The following CCNH variants were observed in gnomAD, a reference collection of about 807,000 sequenced individuals.
CCNH encodes the protein cyclin-H.
A neutral mutation model predicts 41.9 loss-of-function variants in CCNH; 31 were observed. That is an observed-to-expected ratio of 0.74 (90% confidence interval 0.56 to 1.00). The LOEUF (loss-of-function observed/expected upper bound fraction) is 1.00, where lower values mean the gene tolerates loss of function less well. Ranked by LOEUF, CCNH falls within the 50% of genes least tolerant of loss-of-function variation. The pLI, the probability that CCNH is intolerant of heterozygous loss-of-function variation, is 0.00. For synonymous variants in CCNH, 138 were observed against 136.1 expected, an observed-to-expected ratio of 1.01 and a Z score of -0.10; for missense variants, 362 against 388.4, an observed-to-expected ratio of 0.93 and a Z score of 0.57.
exon 1 of CCNH, chr5:87,376,258 T>C: frequency 1.0e-6 from 1 of 974,956 alleles, no homozygotes; most frequent in Non-Finnish European, 1.6e-6. Flanking sequence ...ATATTGAATT[T>C]GTGATGTTAC....
At chr5:87,320,569 G>T (rs923728979) in intron 9 of CCNH, among the ~76,000 whole-genome samples, 1 of 152,124 alleles carries the variant, frequency 6.6e-6, no homozygotes, top group Non-Finnish European at 1.5e-5. Flanking sequence ...GTGGGGAAGC[G>T]CCACACACTT....
downstream of CCNH, among the ~76,000 whole-genome samples, chr5:87,316,118 A>G (rs982185242): frequency 4.6e-5 from 7 of 152,216 alleles, no homozygotes; most frequent in African/African-American, 1.4e-4. Flanking sequence ...GAATGCTCTG[A>G]GACCAGATCT....
upstream of CCNH, chr5:87,378,557 A>C: frequency 3.1e-6 from 5 of 1,588,022 alleles, no homozygotes; most frequent in Non-Finnish European, 4.3e-6. Flanking sequence ...TTAATGTTTT[A>C]ATAAGTATTT....
downstream of CCNH, among the ~76,000 whole-genome samples, chr5:87,387,344 C>T (rs1014402340): frequency 3.0e-4 from 46 of 152,072 alleles, no homozygotes; most frequent in African/African-American, 8.0e-4. Flanking sequence ...GACGTGGATT[C>T]GGTGTTACAC....
At chr5:87,314,229 T>A (rs1019463343), downstream of CCNH, among the ~76,000 whole-genome samples, 8 of 152,186 alleles carry the variant, frequency 5.3e-5, no homozygotes, top group African/African-American at 1.9e-4. Context: ...TTGGTTTGTT[T>A]AAGAAATGAC....
At chr5:87,398,924 G>C (rs1561346185) in intron 7 of CCNH, among the ~76,000 whole-genome samples, 1 of 151,248 alleles carries the variant, frequency 6.6e-6, no homozygotes, top group South Asian at 2.1e-4. Context: ...AGTGAGCTGA[G>C]ATCGCGCCAC....
At chr5:87,397,102 G>A (rs1178631291) in intron 7 of CCNH, among the ~76,000 whole-genome samples, 1 of 152,046 alleles carries the variant, frequency 6.6e-6, no homozygotes, top group African/African-American at 2.4e-5. Context: ...TACCAGAGCT[G>A]GTCCATGAAC....
intron 2 of CCNH, among the ~76,000 whole-genome samples, chr5:87,410,692 G>GT (rs2112583861): frequency 6.6e-6 from 1 of 152,010 alleles, no homozygotes; most frequent in African/African-American, 2.4e-5. Flanking sequence ...TCTCCTCACG[G>GT]TTGCCCACCC....
intron 9 of CCNH, chr5:87,333,475 G>A (rs1339857319): frequency 7.4e-7 from 1 of 1,353,906 alleles, no homozygotes; most frequent in African/African-American, 1.5e-5. Context: ...TATTGGGTCT[G>A]TTGGTCCTGT....
At chr5:87,405,292 G>C (rs571331259) in intron 4 of CCNH, among the ~76,000 whole-genome samples, 1 of 152,120 alleles carries the variant, frequency 6.6e-6, no homozygotes, top group Admixed American at 6.6e-5. Flanking sequence ...GGCAACCCAG[G>C]TGATTCAAAT....
At chr5:87,362,272 C>T (rs1760162706) in intron 9 of CCNH, among the ~76,000 whole-genome samples, 1 of 152,064 alleles carries the variant, frequency 6.6e-6, no homozygotes, top group South Asian at 2.1e-4. Flanking sequence ...TGACTGTATT[C>T]GAAAATAGCT....
chr5:87,390,937 A>C (rs1580422770), downstream of CCNH: 2 of 1,521,314 alleles, frequency 1.3e-6, no homozygotes, highest in East Asian at 4.5e-5. Flanking sequence ...ATGGTAATTC[A>C]CTTCAGTTTA....
At chr5:87,320,209 C>G (rs1580252445) in intron 9 of CCNH, among the ~76,000 whole-genome samples, 3 of 152,310 alleles carry the variant, frequency 2.0e-5, no homozygotes, top group South Asian at 4.1e-4. Flanking sequence ...TTGAGCAAGT[C>G]TCTAGGAAGT....
At chr5:87,395,203 A>G (rs1762846855) in intron 7 of CCNH, 99 bp from the exon 8 acceptor site, 10 of 922,668 alleles carry the variant, frequency 1.1e-5, no homozygotes, top group Middle Eastern at 4.7e-4. Context: ...TCATGTATCT[A>G]CTGAACAACA....
At chr5:87,379,937 T>C (rs1761593094), upstream of CCNH, 11 of 1,305,254 alleles carry the variant, frequency 8.4e-6, no homozygotes, top group Non-Finnish European at 1.1e-5. Flanking sequence ...GCTTTTCTGT[T>C]GTCCTAATAT....
At chr5:87,360,298 A>G (rs1441642808) in intron 9 of CCNH, among the ~76,000 whole-genome samples, 3 of 151,926 alleles carry the variant, frequency 2.0e-5, no homozygotes, top group Admixed American at 6.6e-5. Flanking sequence ...AGCTAATTTC[A>G]TATTTTTAGT....
chr5:87,349,886 G>A (rs1398579299), intron 9 of CCNH, among the ~76,000 whole-genome samples: 1 of 151,832 alleles, frequency 6.6e-6, no homozygotes, highest in Non-Finnish European at 1.5e-5. Flanking sequence ...ATAGTTACTT[G>A]ATTAGGAAAA....
chr5:87,407,324 C>T (rs1251724193), intron 4 of CCNH, among the ~76,000 whole-genome samples: 3 of 152,136 alleles, frequency 2.0e-5, no homozygotes, highest in Non-Finnish European at 4.4e-5. Context: ...CTGTTCCTGT[C>T]CTATTTCTGG....
Position 87,404,024 on chromosome 5 carries a change from G to C in CCNH, c.689+820C>G, listed in dbSNP as rs547473617. On this transcript the variant is annotated intron_variant, in intron 5 of 8. Transcript: ENST00000256897. Reference sequence around the variant, plus strand: ...CATTTATATACAGTTGGTGAGCTGCGTTTGCAGAGAACAGGCATATCATAA... The same window carrying C: ...CATTTATATACAGTTGGTGAGCTGCCTTTGCAGAGAACAGGCATATCATAA... Among the ~76,000 whole-genome samples, 3 of 152,154 alleles carry C rather than the reference G, an allele frequency of 2.0e-5. 1 individual carries two copies. In the South Asian group the frequency reaches 6.2e-4, roughly 32 times the overall value.
Sources: gnomAD v4.1 joint callset for allele counts (sites outside exome capture counted in the v4.1 genomes callset) on GRCh38, gnomAD v4.1.1 for gene constraint, MANE v1.5 for transcripts, NCBI Gene and HGNC (gene_info 2026-07-23, HGNC 2026-07-21) for gene names.